The following ZMAT4 variants were observed in gnomAD, a reference collection of about 807,000 sequenced individuals.
ZMAT4 encodes the protein zinc finger matrin-type 4.
Under a neutral mutation model 28.7 loss-of-function variants are expected in ZMAT4, and 17 were observed. That is an observed-to-expected ratio of 0.59 (90% CI 0.41 to 0.89). The LOEUF (loss-of-function observed/expected upper bound fraction) is 0.89. Ranked by LOEUF, ZMAT4 falls within the 40% of genes least tolerant of loss-of-function variation. The pLI is 0.00. For missense variants in ZMAT4, 240 were observed against 283.8 expected (o/e 0.85, Z 1.11); for synonymous variants, 117 against 109.2 (o/e 1.07, Z -0.44).
intron 3 of ZMAT4, among the ~76,000 whole-genome samples, chr8:40,714,168 T>A (rs1810749096): frequency 6.6e-6 from 1 of 152,088 alleles, no homozygotes; most frequent in South Asian, 2.1e-4. Context: ...TTTTGGATAG[T>A]GATTTGAGAA....
chr8:40,728,924 C>G (rs148128491), intron 3 of ZMAT4, among the ~76,000 whole-genome samples: 2 of 152,094 alleles, frequency 1.3e-5, no homozygotes, highest in African/African-American at 4.8e-5. Flanking sequence ...GGACTTCATA[C>G]GAATCGAATT....
intron 3 of ZMAT4, among the ~76,000 whole-genome samples, chr8:40,763,982 C>T (rs916370011): frequency 6.9e-5 from 10 of 144,014 alleles, no homozygotes; most frequent in African/African-American, 2.4e-4. Context: ...CAAAGTATCA[C>T]ACACACAAAA....
Position 40,700,535 on chromosome 8 carries a change from C to G in ZMAT4, c.193-3134G>C, listed in dbSNP as rs528175489. Among the ~76,000 whole-genome samples the G allele has an allele frequency of 2.1e-3, 308 of 149,898 alleles. 3 individuals are homozygous for G. Among genetic ancestry groups the G allele is most frequent in the African/African-American group, 7.3e-3 (300 of 40,888 alleles). On this transcript the variant is annotated intron_variant, in intron 3 of 6. Transcript: ENST00000297737. ...TTAGGTTCAAGCAATCCTTTCACCT[C>G]AACCTCCAGAGTAGCTAGGATCACA...
At chr8:40,793,184 T>C (rs1475841807) in intron 2 of ZMAT4, among the ~76,000 whole-genome samples, 1 of 152,074 alleles carries the variant, frequency 6.6e-6, no homozygotes, top group African/African-American at 2.4e-5. Flanking sequence ...AGAGAAACCG[T>C]GGTGAGAGGG....
At chr8:40,651,877 A>AT (rs1397758904) in intron 5 of ZMAT4, among the ~76,000 whole-genome samples, 1 of 123,604 alleles carries the variant, frequency 8.1e-6, no homozygotes. Flanking sequence ...CTGGCTAGCC[A>AT]TATGTAGAAA....
chr8:40,842,158 G>A (rs1816727050), intron 1 of ZMAT4, among the ~76,000 whole-genome samples: 1 of 152,170 alleles, frequency 6.6e-6, no homozygotes, highest in East Asian at 1.9e-4. Flanking sequence ...GTGGCTCCTG[G>A]GGGCAGCAAT....
In ZMAT4 at chr8:40,825,524, C is replaced by T. The variant is rs3750202; in HGVS notation, c.102+51G>A. On this transcript the variant is annotated intron_variant, in intron 2 of 6. Coordinates refer to ENST00000297737, the MANE Select transcript of ZMAT4 (RefSeq NM_024645.3). ...ATCCTGGAGTCCTACAACAATGACC[C>T]GGGCTGCTCCCTCCTACATTTGCAA... is the stretch of plus-strand genomic sequence containing the variant. 0.037 allele frequency: 54,090 copies of T among 1,474,906 alleles called. 2,113 individuals carry two copies. Among genetic ancestry groups the T allele is most frequent in the East Asian group, 0.18 (7,142 of 40,322 alleles). The allele number at this position is 1,474,906 out of a possible 1,614,324, so 91.4% of individuals were successfully genotyped here.
chr8:40,801,474 C>T (rs976016747), intron 2 of ZMAT4, among the ~76,000 whole-genome samples: 26 of 150,138 alleles, frequency 1.7e-4, no homozygotes, highest in Non-Finnish European at 2.8e-4. Flanking sequence ...TCGAGTCAAG[C>T]GTGGCCAACA....
chr8:40,629,590 T>G (rs994859271), intron 5 of ZMAT4, among the ~76,000 whole-genome samples: 8 of 132,898 alleles, frequency 6.0e-5, no homozygotes, highest in Non-Finnish European at 7.8e-5. Flanking sequence ...CGGTGTGTGA[T>G]GTTCCTCTTC....
rs1465712595 is a variant in ZMAT4 at position 40,649,705 on chromosome 8, C to T, written c.577+24999G>A. Among the ~76,000 whole-genome samples the T allele has an allele frequency of 3.9e-5, 6 of 152,016 alleles. No homozygotes were observed. In the East Asian group the frequency reaches 1.2e-3, roughly 29 times the overall value. ...GCTCTCCTCAGCAAATGTAAAAGAACAGAAATTATAACAAACTATCTCTCA... is the reference window on the plus strand; with the variant it reads ...GCTCTCCTCAGCAAATGTAAAAGAATAGAAATTATAACAAACTATCTCTCA... On this transcript the variant is annotated intron_variant, in intron 5 of 6. Coordinates refer to ENST00000297737, the MANE Select transcript of ZMAT4 (RefSeq NM_024645.3).
At chr8:40,666,509 G>T (rs1452820229) in intron 5 of ZMAT4, among the ~76,000 whole-genome samples, 3 of 151,524 alleles carry the variant, frequency 2.0e-5, no homozygotes, top group South Asian at 2.1e-4. Flanking sequence ...AATTTCACAG[G>T]GTTCCCAATG....
chr8:40,750,810 A>G (rs1445691170), intron 3 of ZMAT4, among the ~76,000 whole-genome samples: 1 of 152,226 alleles, frequency 6.6e-6, no homozygotes, highest in Non-Finnish European at 1.5e-5. Context: ...GGCCCCCCAA[A>G]AACAAACACC....
intron 4 of ZMAT4, among the ~76,000 whole-genome samples, chr8:40,682,539 G>A (rs1182362186): frequency 1.3e-5 from 2 of 152,182 alleles, no homozygotes; most frequent in Admixed American, 1.3e-4. Flanking sequence ...CCAGCCCCAT[G>A]AGATAGAAAA....
At chr8:40,728,240 T>G (rs545243559) in intron 3 of ZMAT4, among the ~76,000 whole-genome samples, 3 of 152,322 alleles carry the variant, frequency 2.0e-5, no homozygotes, top group Non-Finnish European at 4.4e-5. Context: ...TCACTCACAT[T>G]TCCTCATAAA....
chr8:40,572,548 T>C (rs998493760), intron 6 of ZMAT4, among the ~76,000 whole-genome samples: 1 of 152,138 alleles, frequency 6.6e-6, no homozygotes, highest in Non-Finnish European at 1.5e-5. Context: ...GCCTGGAGTG[T>C]TCCCTAAGCT....
intron 2 of ZMAT4, among the ~76,000 whole-genome samples, chr8:40,803,808 G>A (rs1448975280): frequency 6.6e-6 from 1 of 152,140 alleles, no homozygotes; most frequent in Non-Finnish European, 1.5e-5. Context: ...ATTCATAATT[G>A]CCAAAACTTG....
intron 1 of ZMAT4, among the ~76,000 whole-genome samples, chr8:40,895,823 T>C (rs535320563): frequency 1.3e-5 from 2 of 152,304 alleles, no homozygotes; most frequent in East Asian, 3.9e-4. Flanking sequence ...ACCAAGGTGC[T>C]CTCATGCAAG....
intron 5 of ZMAT4, among the ~76,000 whole-genome samples, chr8:40,644,940 T>G (rs1807233432): frequency 6.6e-6 from 1 of 152,184 alleles, no homozygotes. Context: ...ATCTGACCAG[T>G]GCTTTCAAAA....
Position 40,597,292 on chromosome 8 carries a change from A to G in ZMAT4, c.578-16031T>C, listed in dbSNP as rs568285590. On this transcript the variant is annotated intron_variant, in intron 5 of 6. Coordinates refer to ENST00000297737, the MANE Select transcript of ZMAT4 (RefSeq NM_024645.3). ...TTTGGCTTTTGATCAGAGTCATTGG[A>G]CTGGAATATTATGAATAGGATTACT... is the stretch of plus-strand genomic sequence containing the variant. Among the ~76,000 whole-genome samples the G allele has an allele frequency of 7.9e-5, 12 of 152,270 alleles. No homozygotes were observed. The East Asian group carries it at 2.1e-3, about 27-fold the overall frequency.
Sources: allele counts gnomAD v4.1 joint callset (sites outside exome capture counted in the v4.1 genomes callset), GRCh38; gene constraint gnomAD v4.1.1; transcripts MANE v1.5; gene names NCBI Gene and HGNC (gene_info 2026-07-23, HGNC 2026-07-21).